Variants in RAD23B observed in about 807,000 individuals in gnomAD.
RAD23B encodes the protein RAD23 nucleotide excision repair protein B, also known as lysine-specific demethylase RAD23B.
Under a neutral mutation model 49.1 loss-of-function variants are expected in RAD23B, and 5 were observed. The observed-to-expected ratio is 0.10, with a 90% CI of 0.05 to 0.21. The LOEUF is 0.21. Ranked by LOEUF, RAD23B falls within the 10% of genes least tolerant of loss-of-function variation. RAD23B has a pLI of 1.00. For missense variants in RAD23B, 356 were observed against 486.7 expected, an observed-to-expected ratio of 0.73 and a Z score of 2.53; for synonymous variants, 184 against 165.4, an observed-to-expected ratio of 1.11 and a Z score of -0.86.
intron 8 of RAD23B, among the ~76,000 whole-genome samples, chr9:107,324,604 C>G (rs113276305): frequency 2.0e-5 from 3 of 152,004 alleles, no homozygotes; most frequent in African/African-American, 7.3e-5. Context: ...ACAGGAGGCT[C>G]AGAGCACTTA....
chr9:107,284,068 C>A, intron 1 of RAD23B: 1 of 1,014,344 alleles, frequency 9.9e-7, no homozygotes, highest in Non-Finnish European at 1.2e-6. Context: ...GGGAGGGAGA[C>A]GTAGGCGTCG....
chr9:107,292,195 T>G (rs7046950), intron 1 of RAD23B, among the ~76,000 whole-genome samples: 122,261 of 152,202 alleles, frequency 0.8, 49,671 homozygotes, highest in African/African-American at 0.93. Context: ...TCAAATGAAT[T>G]TATGTACATT....
At chr9:107,328,297 A>G (rs1827246250) in intron 9 of RAD23B, among the ~76,000 whole-genome samples, 1 of 152,212 alleles carries the variant, frequency 6.6e-6, no homozygotes, top group Non-Finnish European at 1.5e-5. Flanking sequence ...TTTTGGCACC[A>G]GGGACCAGTT....
intron 2 of RAD23B, among the ~76,000 whole-genome samples, chr9:107,301,252 T>C (rs1365270447): frequency 6.6e-6 from 1 of 152,224 alleles, no homozygotes; most frequent in Non-Finnish European, 1.5e-5. Flanking sequence ...CTTGCTTTGA[T>C]AGTGTTAGAA....
At chr9:107,284,733 CTA>C (rs1833240202) in intron 1 of RAD23B, 1 of 1,123,600 alleles carries the variant, frequency 8.9e-7, no homozygotes, top group Non-Finnish European at 1.1e-6. Flanking sequence ...CTGCCCAACT[CTA>C]TTTTTAAAAG....
At chr9:107,305,879 G>A (rs1012183513) in intron 3 of RAD23B, among the ~76,000 whole-genome samples, 4 of 151,774 alleles carry the variant, frequency 2.6e-5, no homozygotes, top group African/African-American at 9.7e-5. Context: ...GGAGCCCGTG[G>A]TGGGAGGATT....
At chr9:107,316,233 G>A (rs1346731372) in intron 5 of RAD23B, among the ~76,000 whole-genome samples, 1 of 151,984 alleles carries the variant, frequency 6.6e-6, no homozygotes, top group Non-Finnish European at 1.5e-5. Flanking sequence ...GGATGGTCTC[G>A]ATCTCCTGAT....
chr9:107,305,101 T>A (rs1381764664), intron 3 of RAD23B, among the ~76,000 whole-genome samples: 1 of 151,020 alleles, frequency 6.6e-6, no homozygotes, highest in Non-Finnish European at 1.5e-5. Context: ...CCTGTCTGGG[T>A]AACATGGCGA....
At chr9:107,303,628 A>G (rs373529030) in intron 3 of RAD23B, among the ~76,000 whole-genome samples, 3 of 152,152 alleles carry the variant, frequency 2.0e-5, no homozygotes, top group South Asian at 2.1e-4. Context: ...GTGGAATCCT[A>G]TGGTATTTGT....
At chr9:107,322,795 A>G (rs537007951) in intron 7 of RAD23B, among the ~76,000 whole-genome samples, 2 of 152,374 alleles carry the variant, frequency 1.3e-5, no homozygotes, top group South Asian at 4.1e-4. Flanking sequence ...TCTGGTTGAC[A>G]AAGGTCACTC....
intron 1 of RAD23B, among the ~76,000 whole-genome samples, chr9:107,289,929 T>C (rs1833348297): frequency 2.0e-5 from 3 of 152,198 alleles, no homozygotes. Context: ...GTAGCCACAT[T>C]GACTTGTCTT....
At chr9:107,291,954 C>G (rs1201954419) in intron 1 of RAD23B, among the ~76,000 whole-genome samples, 1 of 152,104 alleles carries the variant, frequency 6.6e-6, no homozygotes, top group African/African-American at 2.4e-5. Context: ...CCCTAAATTA[C>G]TCAAGTAATT....
chr9:107,293,327 T>C (rs1376979237), intron 1 of RAD23B, among the ~76,000 whole-genome samples: 1 of 152,204 alleles, frequency 6.6e-6, no homozygotes, highest in Non-Finnish European at 1.5e-5. Flanking sequence ...AAGGCTTGAA[T>C]ACCAAGAGAT....
At position 107,319,128 on chromosome 9, in the gene RAD23B, C is replaced by CTTTTTTT. The variant is rs56891354; in HGVS notation, c.681+263_681+269dup. Among the ~76,000 whole-genome samples, 416 of 97,780 alleles carry CTTTTTTT rather than the reference C, an allele frequency of 4.3e-3. 16 individuals are homozygous for CTTTTTTT. Among genetic ancestry groups the CTTTTTTT allele is most frequent in the Middle Eastern group, 8.2e-3 (1 of 122 alleles). 64.1% of individuals were successfully genotyped at this position (97,780 alleles called of 152,430 possible). On this transcript the variant is annotated intron_variant, in intron 6 of 9. Coordinates refer to ENST00000358015, the MANE Select transcript of RAD23B (RefSeq NM_002874.5). Reference sequence around the variant, plus strand: ...TATTCAGAACAAAAATTTCTTTTTTCTTTTTTTTTTTTTTTTTTTTGAGAC... The same window carrying CTTTTTTT: ...TATTCAGAACAAAAATTTCTTTTTTCTTTTTTTTTTTTTTTTTTTTTTTTTTTGAGAC...
At chr9:107,308,975 T>C (rs763418801) in intron 4 of RAD23B, among the ~76,000 whole-genome samples, 3 of 152,248 alleles carry the variant, frequency 2.0e-5, no homozygotes, top group African/African-American at 7.2e-5. Context: ...TTTTGTTCTT[T>C]TAAAAATTGT....
In RAD23B at chr9:107,283,497, A is replaced by G; in HGVS notation, c.-133A>G. The stretch of plus-strand genomic sequence containing the variant: ...GCCGCTCCGCTGGGCGAATGTGACA[A>G]GCCCCCACCCCCACCGCCTTCCTCC... On this transcript the variant is annotated 5_prime_UTR_variant, in exon 1 of 10. Coordinates refer to ENST00000358015, the MANE Select transcript of RAD23B (RefSeq NM_002874.5). 1.7e-6 allele frequency: 1 copy of G among 579,686 alleles called. No homozygotes were observed. The highest frequency in any genetic ancestry group is 4.3e-5 in the Admixed American group (1 of 23,080). 35.9% of individuals were successfully genotyped at this position (579,686 alleles called of 1,614,324 possible).
chr9:107,311,671 T>C lies in RAD23B; in HGVS notation c.498-11T>C. ...TTTTTAAAATGTGATTTTTCTAAAA[T>C]CCTTTTGTAGTACATCGGGTGATTC... On this transcript the variant is annotated splice_polypyrimidine_tract_variant and intron_variant, in intron 4 of 9. Coordinates refer to ENST00000358015, the MANE Select transcript of RAD23B (RefSeq NM_002874.5). The C allele has an allele frequency of 6.4e-7, 1 of 1,568,074 alleles. No individual in the cohort carries two copies. The highest frequency in any genetic ancestry group is 8.6e-7 in the Non-Finnish European group (1 of 1,162,302).
intron 9 of RAD23B, among the ~76,000 whole-genome samples, chr9:107,327,819 TTG>T (rs1185111597): frequency 4.6e-5 from 7 of 152,144 alleles, no homozygotes; most frequent in Non-Finnish European, 7.4e-5. Flanking sequence ...GGAGCTGTAG[TTG>T]TCTCTATTAT....
chr9:107,283,588 G>T lies in RAD23B; in HGVS notation c.-42G>T. The T allele has an allele frequency of 6.9e-7, 1 of 1,456,498 alleles. No individual in the cohort carries two copies. The highest frequency in any genetic ancestry group is 9.1e-7 in the Non-Finnish European group (1 of 1,098,120). The allele number at this position is 1,456,498 out of a possible 1,614,324, so 90.2% of individuals were successfully genotyped here. A position where few individuals can be genotyped will look rare whatever the true frequency, so the allele number is the denominator to read the frequency against. Reference sequence around the variant, plus strand: ...GGCCACAGACCCCGCCCAGCGGCCAGCACCCGGCGCAGGCCCGGCAGCCGA... The same window carrying T: ...GGCCACAGACCCCGCCCAGCGGCCATCACCCGGCGCAGGCCCGGCAGCCGA... On this transcript the variant is annotated 5_prime_UTR_variant, in exon 1 of 10. Coordinates refer to ENST00000358015, the MANE Select transcript of RAD23B (RefSeq NM_002874.5).
Sources: gnomAD v4.1 joint callset for allele counts (sites outside exome capture counted in the v4.1 genomes callset) on GRCh38, gnomAD v4.1.1 for gene constraint, MANE v1.5 for transcripts, NCBI Gene and HGNC (gene_info 2026-07-23, HGNC 2026-07-21) for gene names.